Variants in CLASP1 observed in about 807,000 individuals in gnomAD.
CLASP1 encodes the protein cytoplasmic linker associated protein 1.
CLASP1 carries 38 observed loss-of-function variants against 192.3 expected under a neutral mutation model. The observed-to-expected ratio is 0.20, with a 90% CI of 0.15 to 0.26. The LOEUF (loss-of-function observed/expected upper bound fraction) is 0.26, where lower values mean the gene tolerates loss of function less well. Among genes scored for constraint, CLASP1 ranks in the 10% least tolerant of loss-of-function variants. The pLI is 1.00. For synonymous variants in CLASP1, 691 were observed against 712.8 expected (o/e 0.97, Z 0.49); for missense variants, 1,433 against 1,932.5 (o/e 0.74, Z 4.85).
chr2:121,527,589 A>C (rs1401872428), intron 5 of CLASP1, among the ~76,000 whole-genome samples: 1 of 152,114 alleles, frequency 6.6e-6, no homozygotes, highest in Non-Finnish European at 1.5e-5. Flanking sequence ...AATTTGCGCA[A>C]GTTCTAGGGA....
At chr2:121,577,387 T>G (rs776249234) in intron 2 of CLASP1, among the ~76,000 whole-genome samples, 1 of 152,154 alleles carries the variant, frequency 6.6e-6, no homozygotes, top group Non-Finnish European at 1.5e-5. Flanking sequence ...AAAGGAATCC[T>G]ATGAGGCCAT....
intron 8 of CLASP1, among the ~76,000 whole-genome samples, chr2:121,471,527 C>A (rs2090730402): frequency 6.6e-6 from 1 of 151,878 alleles, no homozygotes. Context: ...AAAAAACACA[C>A]AAATAGAATC....
exon 13 of CLASP1, chr2:121,458,857 C>T (rs2149856949): frequency 1.9e-6 from 3 of 1,609,268 alleles, no homozygotes; most frequent in East Asian, 2.2e-5. Context: ...ATTAACCTAA[C>T]AGCTACAACA....
In CLASP1 at chr2:121,639,788, A is replaced by T. The variant is rs2071662124; in HGVS notation, c.-286+9584T>A. On this transcript the variant is annotated intron_variant, in intron 1 of 39. Coordinates refer to ENST00000263710, the Ensembl canonical transcript of CLASP1. ...TGAGGCAGAAGAGTCACTTGAACGCAGGAGGCAGAGGTTGCAGTAAGCCAA... is the reference window on the plus strand; with the variant it reads ...TGAGGCAGAAGAGTCACTTGAACGCTGGAGGCAGAGGTTGCAGTAAGCCAA... Among the ~76,000 whole-genome samples, 3 of 149,988 alleles carry T rather than the reference A, an allele frequency of 2.0e-5. No homozygotes were observed. The South Asian group carries it at 6.4e-4, about 32-fold the overall frequency.
intron 1 of CLASP1, among the ~76,000 whole-genome samples, chr2:121,631,302 T>C (rs2069602484): frequency 6.8e-6 from 1 of 147,254 alleles, no homozygotes. Flanking sequence ...TTTTTTTTTT[T>C]TTTTGAAATG....
At chr2:121,387,354 T>C (rs908671118) in intron 31 of CLASP1, 126 bp from the exon 33 acceptor site, 21 of 673,650 alleles carry the variant, frequency 3.1e-5, no homozygotes, top group East Asian at 6.0e-5. Flanking sequence ...GTTTTTTTTT[T>C]CCCTTAGAAT....
At chr2:121,402,305 C>G (rs1559049552) in intron 26 of CLASP1, among the ~76,000 whole-genome samples, 1 of 152,176 alleles carries the variant, frequency 6.6e-6, no homozygotes, top group Non-Finnish European at 1.5e-5. Flanking sequence ...ACATAATCAT[C>G]ATGCTGTTGT....
At chr2:121,435,046 C>A (rs540239912) in intron 19 of CLASP1, among the ~76,000 whole-genome samples, 1 of 149,526 alleles carries the variant, frequency 6.7e-6, no homozygotes, top group African/African-American at 2.5e-5. Context: ...TTGGGCTGGG[C>A]GTGGTGGCTC....
intron 8 of CLASP1, among the ~76,000 whole-genome samples, chr2:121,494,338 T>C (rs533195757): frequency 1.4e-4 from 22 of 152,184 alleles, no homozygotes; most frequent in Non-Finnish European, 2.6e-4. Context: ...TAAGAGAAGC[T>C]AGGCATAGAA....
chr2:121,608,579 G>GA (rs2064767805), intron 1 of CLASP1, among the ~76,000 whole-genome samples: 1 of 152,148 alleles, frequency 6.6e-6, no homozygotes, highest in East Asian at 1.9e-4. Flanking sequence ...TGTGAGTGAG[G>GA]CCATCTGGGA....
At chr2:121,518,000 G>A (rs2094356574) in intron 6 of CLASP1, among the ~76,000 whole-genome samples, 1 of 148,298 alleles carries the variant, frequency 6.7e-6, no homozygotes, top group African/African-American at 2.5e-5. Context: ...GCAAGTTCAA[G>A]TTCAGGCGAG....
intron 8 of CLASP1, among the ~76,000 whole-genome samples, chr2:121,484,158 T>C (rs1199914661): frequency 1.3e-5 from 2 of 152,232 alleles, no homozygotes; most frequent in Non-Finnish European, 2.9e-5. Flanking sequence ...AAAGAGATTT[T>C]TGTAAATTAT....
chr2:121,531,171 C>T (rs1158106767), intron 2 of CLASP1, among the ~76,000 whole-genome samples: 5 of 152,106 alleles, frequency 3.3e-5, no homozygotes, highest in Admixed American at 1.3e-4. Flanking sequence ...AGGATTTCAA[C>T]AGAACTTCAC....
chr2:121,365,241 C>T (rs1056664693), exon 36 of CLASP1: 3 of 1,613,668 alleles, frequency 1.9e-6, no homozygotes, highest in Admixed American at 3.3e-5. Flanking sequence ...GGTTGGACAG[C>T]TCTTTCAGAA....
intron 6 of CLASP1, among the ~76,000 whole-genome samples, chr2:121,522,143 C>T (rs368211593): frequency 1.3e-5 from 2 of 152,090 alleles, no homozygotes; most frequent in South Asian, 4.2e-4. Context: ...TGTGCGCGCA[C>T]GTGTGCAAAT....
intron 1 of CLASP1, among the ~76,000 whole-genome samples, chr2:121,639,102 C>T (rs1423394015): frequency 6.6e-6 from 1 of 152,056 alleles, no homozygotes; most frequent in Non-Finnish European, 1.5e-5. Flanking sequence ...CAGTGAAACC[C>T]TGTCTCTACT....
chr2:121,385,493 T>A (rs918426664), intron 32 of CLASP1, among the ~76,000 whole-genome samples: 1 of 152,336 alleles, frequency 6.6e-6, no homozygotes, highest in Middle Eastern at 3.4e-3. Context: ...AATAATGACC[T>A]TGAAAAACAC....
At chr2:121,478,890 CA>C (rs2092221110) in intron 8 of CLASP1, among the ~76,000 whole-genome samples, 1 of 9,542 alleles carries the variant, frequency 1.0e-4, no homozygotes, top group Non-Finnish European at 2.2e-4. Flanking sequence ...ACACACACCA[CA>C]CACACACACC....
At chr2:121,599,542 T>A (rs1015071820) in intron 2 of CLASP1, among the ~76,000 whole-genome samples, 1 of 136,358 alleles carries the variant, frequency 7.3e-6, no homozygotes, top group Non-Finnish European at 1.5e-5. Context: ...GAGCCTAGAT[T>A]GCACCACTGC....
Sources: allele counts gnomAD v4.1 joint callset (sites outside exome capture counted in the v4.1 genomes callset), GRCh38; gene constraint gnomAD v4.1.1; transcripts MANE v1.5; gene names NCBI Gene and HGNC (gene_info 2026-07-23, HGNC 2026-07-21).